The following RAG2 variants were observed in gnomAD, a reference collection of about 807,000 sequenced individuals.
RAG2 encodes recombination activating 2.
In RAG2, 16 loss-of-function variants were observed where a neutral mutation model predicts 31.8. The observed-to-expected ratio is 0.50, with a 90% confidence interval of 0.34 to 0.76. The LOEUF (loss-of-function observed/expected upper bound fraction) is 0.76, where lower values mean the gene tolerates loss of function less well. Among genes scored for constraint, RAG2 ranks in the 30% least tolerant of loss-of-function variants. The probability of loss-of-function intolerance (pLI) is 0.01; values close to 1 mark genes in which losing one functional copy is unlikely to be tolerated. For synonymous variants in RAG2, 199 were observed against 215.9 expected (o/e 0.92, Z 0.68); for missense variants, 622 against 628.5 (o/e 0.99, Z 0.11).
In RAG2 at chr11:36,594,130, G is replaced by T. The variant is rs753764938; in HGVS notation, c.39C>A (p.Ala13=). ...TCAGTGAGAAGCCTGGCTGAATTAAGGCTATGTTATTACTGACTGTTACCA... is the reference window on the plus strand; with the variant it reads ...TCAGTGAGAAGCCTGGCTGAATTAATGCTATGTTATTACTGACTGTTACCA... The part of the protein sequence containing the change: ...LQMVTVSNNI[A]LIQPGFSLMN... Residue 13 remains alanine, a synonymous_variant, in exon 2 of 2, where the codon GCC becomes GCA. Transcript: ENST00000311485. 4 of 1,613,952 alleles carry T rather than the reference G, an allele frequency of 2.5e-6. No homozygotes were observed. In the South Asian group the frequency reaches 4.4e-5, roughly 18 times the overall value.
Position 36,593,427 on chromosome 11 carries a change from T to C in RAG2, c.742A>G (p.Asn248Asp). The C allele has an allele frequency of 6.2e-7, 1 of 1,614,036 alleles. No individual in the cohort carries two copies. Among genetic ancestry groups the C allele is most frequent in the Non-Finnish European group, 8.5e-7 (1 of 1,180,028 alleles). Residue 248 changes from asparagine (N) to aspartate (D), a missense_variant, in exon 2 of 2, where the codon AAT becomes GAT. Transcript: ENST00000311485. ...VDLPLGSPAV[N>D]CTVLPGGISV... ...ATTCCTCCTGGCAAGACTGTGCAAT[T>C]CACAGCTGGGCTACCCAGGGGAAGA...
chr11:36,594,636 T>C (rs954878109), intron 1 of RAG2: 2 of 171,016 alleles, frequency 1.2e-5, no homozygotes, highest in African/African-American at 4.8e-5. Context: ...AACTAGGGAA[T>C]GGGAGGTGAG....
rs761711845 is a variant in RAG2, at chr11:36,593,091, T to C, written c.1078A>G (p.Thr360Ala). The change falls in exon 2 of 2, where the codon ACA becomes GCA. Residue 360 changes from threonine (T) to alanine (A), a missense_variant. Thr to Ala is a moderately conservative substitution (Grantham distance 58). Transcript: ENST00000311485. The stretch of plus-strand genomic sequence containing the variant: ...GATGTTTGACTGTTTGTGAATGTTG[T>C]CTGCTCTTCATTAGTATCATCTTCA... The part of the protein sequence containing the change: ...CAEDDTNEEQ[T>A]TFTNSQTSTE... The C allele has an allele frequency of 3.7e-6, 6 of 1,614,010 alleles. No individual in the cohort carries two copies. The highest frequency in any genetic ancestry group is 5.1e-6 in the Non-Finnish European group (6 of 1,179,936).
chr11:36,594,272 T>A, intron 1 of RAG2, 77 bp from the exon 2 acceptor site: 2 of 981,224 alleles, frequency 2.0e-6, no homozygotes, highest in South Asian at 1.3e-5. Flanking sequence ...CACATGTGAA[T>A]AGCATTTTTT....
At chr11:36,591,023 A>G (rs1851015097), downstream of RAG2, among the ~76,000 whole-genome samples, 1 of 152,170 alleles carries the variant, frequency 6.6e-6, no homozygotes, top group Admixed American at 6.5e-5. Context: ...AATTAGTTTA[A>G]TTTTGCCGTT....
intron 1 of RAG2, chr11:36,597,528 G>T (rs1197072546): frequency 1.3e-5 from 2 of 152,156 alleles, no homozygotes; most frequent in Non-Finnish European, 2.9e-5. Flanking sequence ...TCAGCAGGGA[G>T]ATTTTCATTT....
intron 1 of RAG2, among the ~76,000 whole-genome samples, chr11:36,596,411 G>A (rs966447313): frequency 6.6e-6 from 1 of 152,036 alleles, no homozygotes; most frequent in South Asian, 2.1e-4. Context: ...TCAAAGTTAT[G>A]AAAACAAGCC....
At position 36,593,182 on chromosome 11, in the gene RAG2, A is replaced by G; in HGVS notation, c.987T>C (p.Leu329=). The G allele has an allele frequency of 4.3e-6, 7 of 1,614,214 alleles. No homozygotes were observed. The highest frequency in any genetic ancestry group is 5.9e-6 in the Non-Finnish European group (7 of 1,180,046). ...CTTGTTTATTGTCTCCTGGTATGCCAAGAAAAACAGTTCCATTTCCCATGT... is the reference window on the plus strand; with the variant it reads ...CTTGTTTATTGTCTCCTGGTATGCCGAGAAAAACAGTTCCATTTCCCATGT... The part of the protein sequence containing the change: ...GSNMGNGTVF[L]GIPGDNKQVV... The change falls in exon 2 of 2, where the codon CTT becomes CTC. Residue 329 remains leucine, a synonymous_variant. Transcript: ENST00000311485.
In RAG2 at chr11:36,592,684, T is replaced by C; in HGVS notation, c.1485A>G (p.Leu495=). Residue 495 remains leucine, a synonymous_variant, in exon 2 of 2, where the codon CTA becomes CTG. Transcript: ENST00000311485. ...ARALHTPQRV[L]PLKKPPMKSL... is the part of the protein sequence containing the mutation. Reference sequence around the variant, plus strand: ...ATTTCATTGGAGGCTTTTTTAAGGGTAGGACTCTTTGGGGAGTGTGTAGAG... The same window carrying C: ...ATTTCATTGGAGGCTTTTTTAAGGGCAGGACTCTTTGGGGAGTGTGTAGAG... The C allele has an allele frequency of 6.2e-7, 1 of 1,614,102 alleles. No individual in the cohort carries two copies. Among genetic ancestry groups the C allele is most frequent in the Non-Finnish European group, 8.5e-7 (1 of 1,179,994 alleles).
chr11:36,591,598 TACAC>T (rs3084298), downstream of RAG2, among the ~76,000 whole-genome samples: 28,222 of 148,990 alleles, frequency 0.19, 3,178 homozygotes, highest in African/African-American at 0.32. Context: ...ACATGTTAAC[TACAC>T]ACACACACAC....
At position 36,592,896 on chromosome 11, in the gene RAG2, C is replaced by T; in HGVS notation, c.1273G>A (p.Val425Met). The change falls in exon 2 of 2, where the codon GTG (valine) becomes ATG (methionine). Residue 425 changes from valine (V) to methionine (M), a missense_variant. Coordinates refer to ENST00000311485, the MANE Select transcript of RAG2 (RefSeq NM_000536.4). ...YWITCCPTCD[V>M]DINTWVPFYS... ...AATGGTACCCAAGTGTTGATATCCA[C>T]ATCACAAGTAGGGCAGCATGTAATC... The T allele has an allele frequency of 6.2e-7, 1 of 1,614,148 alleles. No homozygotes were observed. Among genetic ancestry groups the T allele is most frequent in the Non-Finnish European group, 8.5e-7 (1 of 1,180,028 alleles).
chr11:36,592,149 C>A lies in RAG2; in HGVS notation c.*436G>T. ...CTTGCTTTTAAGTTTTGGCCAACTG[C>A]CGAATTGTTATGTTGCACAAAATAA... On this transcript the variant is annotated 3_prime_UTR_variant, in exon 2 of 2. Transcript: ENST00000311485. 5.1e-6 allele frequency: 1 copy of A among 194,384 alleles called. No homozygotes were observed. Among genetic ancestry groups the A allele is most frequent in the Non-Finnish European group, 1.1e-5 (1 of 94,666 alleles). 12.0% of individuals were successfully genotyped at this position (194,384 alleles called of 1,614,324 possible). A position where few individuals can be genotyped will look rare whatever the true frequency, so the allele number is the denominator to read the frequency against.
chr11:36,592,619 G>T lies in RAG2; in HGVS notation c.1550C>A (p.Ala517Asp), dbSNP rs1851040553. Reference sequence around the variant, plus strand: ...CAACCTTCTAAGAAAGGATTTCTTGGCAGGAGTCAAGATTTTTCCAGAACC... The same window carrying T: ...CAACCTTCTAAGAAAGGATTTCTTGTCAGGAGTCAAGATTTTTCCAGAACC... ...KKGSGKILTP[A>D]KKSFLRRLFD is the part of the protein sequence containing the mutation. Residue 517 changes from alanine to aspartate, a missense_variant, in exon 2 of 2, where the codon GCC becomes GAC. Transcript: ENST00000311485. 1 of 1,613,926 alleles carries T rather than the reference G, an allele frequency of 6.2e-7. No homozygotes were observed. Among genetic ancestry groups the T allele is most frequent in the South Asian group, 1.1e-5 (1 of 91,074 alleles).
intron 1 of RAG2, 133 bp from the exon 2 acceptor site, chr11:36,594,328 A>G: frequency 1.0e-5 from 7 of 677,096 alleles, no homozygotes; most frequent in South Asian, 8.6e-5. Flanking sequence ...AGGAAAATCC[A>G]AGGAGTTAGG....
At position 36,598,148 on chromosome 11, in the gene RAG2, A is replaced by C. The variant is rs1221784463; in HGVS notation, c.-74T>G. ...CACGCCTCTCTGAATCTTTGCCGCT[A>C]AACCAGGTATTAATTGTCAGCACTT... On this transcript the variant is annotated 5_prime_UTR_variant, in exon 1 of 2. Coordinates refer to ENST00000311485, the MANE Select transcript of RAG2 (RefSeq NM_000536.4). 1 of 152,082 alleles carries C rather than the reference A, an allele frequency of 6.6e-6. No homozygotes were observed. Among genetic ancestry groups the C allele is most frequent in the East Asian group, 1.9e-4 (1 of 5,162 alleles). The allele number at this position is 152,082 out of a possible 1,614,324, so 9.4% of individuals were successfully genotyped here.
intron 1 of RAG2, 25 bp from the exon 2 acceptor site, chr11:36,594,220 A>T (rs1232645384): frequency 7.2e-7 from 1 of 1,379,696 alleles, no homozygotes; most frequent in South Asian, 1.2e-5. Context: ...AAATAAAATG[A>T]CTTAGAGATC....
In RAG2 at chr11:36,592,574, C is replaced by G; in HGVS notation, c.*11G>C. ...ATTCCATACACCTGAATCTGAAAGGCTTTTGCAAAACTAATCAAACAACCT... is the reference window on the plus strand; with the variant it reads ...ATTCCATACACCTGAATCTGAAAGGGTTTTGCAAAACTAATCAAACAACCT... On this transcript the variant is annotated 3_prime_UTR_variant, in exon 2 of 2. Coordinates refer to ENST00000311485, the MANE Select transcript of RAG2 (RefSeq NM_000536.4). 1.2e-6 allele frequency: 2 copies of G among 1,613,392 alleles called. No homozygotes were observed. Among genetic ancestry groups the G allele is most frequent in the Non-Finnish European group, 1.7e-6 (2 of 1,179,424 alleles).
chr11:36,593,077 G>C lies in RAG2; in HGVS notation c.1092C>G (p.Asn364Lys), dbSNP rs150349031. 1.2e-4 allele frequency: 198 copies of C among 1,613,928 alleles called. No homozygotes were observed. Among genetic ancestry groups the C allele is most frequent in the Non-Finnish European group, 1.6e-4 (187 of 1,179,920 alleles). Reference sequence around the variant, plus strand: ...CTGGATCTTCTGTTGATGTTTGACTGTTTGTGAATGTTGTCTGCTCTTCAT... The same window carrying C: ...CTGGATCTTCTGTTGATGTTTGACTCTTTGTGAATGTTGTCTGCTCTTCAT... ...DTNEEQTTFT[N>K]SQTSTEDPGD... is the part of the protein sequence containing the mutation. Residue 364 changes from asparagine (N) to lysine (K), a missense_variant, in exon 2 of 2, where the codon AAC (asparagine) becomes AAG (lysine). Coordinates refer to ENST00000311485, the MANE Select transcript of RAG2 (RefSeq NM_000536.4).
In RAG2 at chr11:36,592,567, T is replaced by G. The variant is rs759664706; in HGVS notation, c.*18A>C. The G allele has an allele frequency of 3.7e-6, 6 of 1,612,906 alleles. No individual in the cohort carries two copies. Among genetic ancestry groups the G allele is most frequent in the Non-Finnish European group, 5.1e-6 (6 of 1,179,016 alleles). ...TTCAAAAATTCCATACACCTGAATCTGAAAGGCTTTTGCAAAACTAATCAA... is the reference window on the plus strand; with the variant it reads ...TTCAAAAATTCCATACACCTGAATCGGAAAGGCTTTTGCAAAACTAATCAA... On this transcript the variant is annotated 3_prime_UTR_variant, in exon 2 of 2. Coordinates refer to ENST00000311485, the MANE Select transcript of RAG2 (RefSeq NM_000536.4).
Sources: allele counts gnomAD v4.1 joint callset (sites outside exome capture counted in the v4.1 genomes callset), GRCh38; gene constraint gnomAD v4.1.1; transcripts MANE v1.5; gene names NCBI Gene and HGNC (gene_info 2026-07-23, HGNC 2026-07-21).